Variants in COCH observed in about 807,000 individuals in gnomAD.
COCH encodes cochlin.
A neutral mutation model predicts 54.8 loss-of-function variants in COCH; 40 were observed. The ratio of observed to expected loss-of-function variants is 0.73; its 90% CI spans 0.57 to 0.95. The LOEUF is 0.95. Ranked by LOEUF, COCH falls within the 40% of genes least tolerant of loss-of-function variation. COCH has a pLI of 0.00. For missense variants in COCH, 605 were observed against 675.0 expected, an observed-to-expected ratio of 0.90 and a Z score of 1.15; for synonymous variants, 256 against 237.9, an observed-to-expected ratio of 1.08 and a Z score of -0.70.
chr14:30,877,294 G>T lies in COCH; in HGVS notation c.83-278G>T. 1 of 396,456 alleles carries T rather than the reference G, an allele frequency of 2.5e-6. No individual in the cohort carries two copies. The allele number at this position is 396,456 out of a possible 1,614,324, so 24.6% of individuals were successfully genotyped here. ...AGCTCGGGAATTTGAGCCTAGCTTG[G>T]GCAACTTGGCGAGTCCCCATTTCAA... is the stretch of plus-strand genomic sequence containing the variant. On this transcript the variant is annotated intron_variant, in intron 3 of 11. Transcript: ENST00000396618. The surrounding 1 kb of genome is among the most constrained non-coding windows in gnomAD (Gnocchi z 8.6).
At chr14:30,888,243 CTTTT>C (rs747801148) in intron 11 of COCH, among the ~76,000 whole-genome samples, 5 of 141,252 alleles carry the variant, frequency 3.5e-5, no homozygotes, top group Non-Finnish European at 6.2e-5. Context: ...AATATTTTGA[CTTTT>C]TTTTTTTTTA....
intron 4 of COCH, among the ~76,000 whole-genome samples, chr14:30,878,442 C>T (rs1216084683): frequency 6.6e-6 from 1 of 152,168 alleles, no homozygotes; most frequent in Non-Finnish European, 1.5e-5. Context: ...GGATGGACCA[C>T]TTGAGGTCAG....
In COCH at chr14:30,886,313, G is replaced by C; in HGVS notation, c.1477+1G>C. 6.2e-7 allele frequency: 1 copy of C among 1,614,072 alleles called. No individual in the cohort carries two copies. Among genetic ancestry groups the C allele is most frequent in the Non-Finnish European group, 8.5e-7 (1 of 1,179,990 alleles). On this transcript the variant is annotated splice_donor_variant, in intron 11 of 11. Transcript: ENST00000396618. LOFTEE classifies it high-confidence loss of function. ...CCTGCAGCTGCTGCACATGATGCAG[G>C]TAAGGTCCTTGTTCTTTATAGGAGA...
At position 30,890,276 on chromosome 14, in the gene COCH, A is replaced by G. The variant is rs1230070211; in HGVS notation, c.*485A>G. 9.3e-6 allele frequency: 9 copies of G among 971,204 alleles called. No homozygotes were observed. In the Admixed American group the frequency reaches 5.0e-4, roughly 53 times the overall value. 60.2% of individuals were successfully genotyped at this position (971,204 alleles called of 1,614,324 possible). A position where few individuals can be genotyped will look rare whatever the true frequency, so the allele number is the denominator to read the frequency against. On this transcript the variant is annotated 3_prime_UTR_variant, in exon 12 of 12. Transcript: ENST00000396618. ...GTGGATATTTTCTTAAAACCAATCAATAATAGCTAGCTATTACTGCAGACT... is the reference window on the plus strand; with the variant it reads ...GTGGATATTTTCTTAAAACCAATCAGTAATAGCTAGCTATTACTGCAGACT...
intron 11 of COCH, among the ~76,000 whole-genome samples, chr14:30,886,752 T>C (rs961812480): frequency 1.3e-5 from 2 of 152,228 alleles, no homozygotes; most frequent in African/African-American, 4.8e-5. Flanking sequence ...AAACAGGTAA[T>C]TGCTCTGTCA....
At chr14:30,874,733 T>C in intron 1 of COCH, 142 bp downstream of exon 1, 1 of 642,432 alleles carries the variant, frequency 1.6e-6, no homozygotes, top group South Asian at 1.8e-5. Flanking sequence ...GATCCTGGGC[T>C]TCGCTCGATT....
chr14:30,883,021 A>G (rs985395965), intron 8 of COCH, among the ~76,000 whole-genome samples: 7 of 152,222 alleles, frequency 4.6e-5, no homozygotes, highest in African/African-American at 1.7e-4. Flanking sequence ...GTTATTTTTT[A>G]CAAGTGGCTC....
chr14:30,882,120 G>GCTTTTTTTTTTT (rs1895617242), intron 8 of COCH, among the ~76,000 whole-genome samples: 1 of 67,894 alleles, frequency 1.5e-5, no homozygotes, highest in African/African-American at 6.6e-5. Flanking sequence ...CTATAAAATG[G>GCTTTTTTTTTTT]TTTTTTTTTT....
chr14:30,880,999 T>C (rs1895561134), intron 8 of COCH, among the ~76,000 whole-genome samples: 1 of 151,860 alleles, frequency 6.6e-6, no homozygotes, highest in Non-Finnish European at 1.5e-5. Context: ...GTGGATCACC[T>C]GAGGTCAGGA....
chr14:30,883,351 C>T (rs958487507), intron 8 of COCH, among the ~76,000 whole-genome samples: 3 of 147,850 alleles, frequency 2.0e-5, no homozygotes, highest in Non-Finnish European at 4.4e-5. Flanking sequence ...AAGATGAATT[C>T]TTCATTACCT....
downstream of COCH, chr14:30,895,487 T>C (rs1209641270): frequency 5.6e-6 from 9 of 1,614,042 alleles, no homozygotes; most frequent in Non-Finnish European, 7.6e-6. Context: ...AGCAACATCA[T>C]AAATTGATTC....
At chr14:30,893,181 A>C (rs1397994138), downstream of COCH, among the ~76,000 whole-genome samples, 1 of 124,452 alleles carries the variant, frequency 8.0e-6, no homozygotes, top group Non-Finnish European at 1.6e-5. Flanking sequence ...TTTGAGACGG[A>C]GTCTCTGTCA....
intron 11 of COCH, chr14:30,889,412 C>T: frequency 1.8e-6 from 1 of 567,348 alleles, no homozygotes; most frequent in Non-Finnish European, 3.2e-6. Flanking sequence ...ACAGATATAG[C>T]AGAGTTTCTG....
chr14:30,886,882 T>C (rs1895808766), intron 11 of COCH, among the ~76,000 whole-genome samples: 1 of 152,164 alleles, frequency 6.6e-6, no homozygotes, highest in Non-Finnish European at 1.5e-5. Context: ...TGCCCCTGGC[T>C]AATTTTTAAA....
At chr14:30,879,826 ATTTT>A (rs570405043) in intron 6 of COCH, among the ~76,000 whole-genome samples, 2 of 151,170 alleles carry the variant, frequency 1.3e-5, no homozygotes, top group Non-Finnish European at 2.9e-5. Flanking sequence ...TTGATTTTTA[ATTTT>A]TTTTATTTTT....
At chr14:30,895,294 G>A (rs71417929), downstream of COCH, 3 of 1,040,906 alleles carry the variant, frequency 2.9e-6, no homozygotes, top group Admixed American at 6.1e-5. Context: ...GCCTGCCCCA[G>A]ATAGCCTTCA....
At chr14:30,895,329 TATC>T (rs1268452409), downstream of COCH, 1 of 1,393,712 alleles carries the variant, frequency 7.2e-7, no homozygotes, top group Non-Finnish European at 9.6e-7. Flanking sequence ...TGTAGTGTCA[TATC>T]AGTAACCTTT....
intron 11 of COCH, 67 bp from the exon 12 acceptor site, chr14:30,889,547 CAT>C (rs1157362140): frequency 2.2e-6 from 3 of 1,361,542 alleles, no homozygotes; most frequent in Admixed American, 1.7e-5. Flanking sequence ...GTATGGAAAA[CAT>C]ATAGACATAA....
intron 11 of COCH, 69 bp from the exon 12 acceptor site, chr14:30,889,543 AAAAC>A: frequency 7.4e-7 from 1 of 1,356,706 alleles, no homozygotes. Context: ...CAGTGTATGG[AAAAC>A]ATATAGACAT....
Sources: allele counts gnomAD v4.1 joint callset (sites outside exome capture counted in the v4.1 genomes callset), GRCh38; gene constraint gnomAD v4.1.1; non-coding constraint Gnocchi (gnomAD v3.1); transcripts MANE v1.5; gene names NCBI Gene and HGNC (gene_info 2026-07-23, HGNC 2026-07-21).